Variants in ADAM28 observed in about 807,000 individuals in gnomAD.
ADAM28 encodes disintegrin and metalloproteinase domain-containing protein 28.
In ADAM28, 105 loss-of-function variants were observed where a neutral mutation model predicts 101.2. That is an observed-to-expected ratio of 1.04 (90% CI 0.89 to 1.22). The LOEUF is 1.22. ADAM28 is among the 50% of genes most tolerant of loss of function. The pLI, the probability that ADAM28 is intolerant of heterozygous loss-of-function variation, is 0.00. For missense variants in ADAM28, 1,028 were observed against 945.4 expected (o/e 1.09, Z -1.15); for synonymous variants, 322 against 310.6 (o/e 1.04, Z -0.39).
chr8:24,330,685 C>A (rs1378864335), intron 11 of ADAM28, among the ~76,000 whole-genome samples: 1 of 152,162 alleles, frequency 6.6e-6, no homozygotes, highest in African/African-American at 2.4e-5. Context: ...TCCAAAGCCC[C>A]TGTACAAAAC....
intron 14 of ADAM28, chr8:24,335,857 A>T (rs558608141): frequency 8.1e-7 from 1 of 1,240,066 alleles, no homozygotes; most frequent in African/African-American, 1.5e-5. Flanking sequence ...ACTTAAAATT[A>T]ACAAGTTTTT....
chr8:24,305,916 C>G (rs1187562035), intron 2 of ADAM28, among the ~76,000 whole-genome samples: 1 of 152,062 alleles, frequency 6.6e-6, no homozygotes, highest in Non-Finnish European at 1.5e-5. Context: ...AATTACCCCA[C>G]AATAACCATG....
rs986458993 is a variant in ADAM28 at position 24,348,312 on chromosome 8, C to T, written c.1991-1552C>T. Among the ~76,000 whole-genome samples the T allele has an allele frequency of 4.6e-5, 7 of 152,120 alleles. No individual in the cohort carries two copies. In the East Asian group the frequency reaches 9.6e-4, roughly 21 times the overall value. ...GAACAGACAGTTGACATATACCCAG[C>T]AACTCCCACTCCTGAACAGCTTCCC... On this transcript the variant is annotated intron_variant, in intron 18 of 22. Coordinates refer to ENST00000265769, the MANE Select transcript of ADAM28 (RefSeq NM_014265.6).
chr8:24,310,345 T>G (rs1330657935), intron 4 of ADAM28, 104 bp downstream of exon 4: 1 of 1,000,178 alleles, frequency 1.0e-6, no homozygotes, highest in African/African-American at 1.7e-5. Context: ...ATTTGTAACA[T>G]TAGTGCTTTT....
intron 2 of ADAM28, among the ~76,000 whole-genome samples, chr8:24,302,037 A>G (rs537241000): frequency 1.3e-5 from 2 of 152,248 alleles, no homozygotes; most frequent in Admixed American, 6.5e-5. Flanking sequence ...CTATCAACCC[A>G]TCACCTAGGT....
chr8:24,297,798 A>G (rs1427693244), intron 1 of ADAM28, among the ~76,000 whole-genome samples: 1 of 152,236 alleles, frequency 6.6e-6, no homozygotes, highest in Admixed American at 6.5e-5. Context: ...AATAATTACA[A>G]TAATTAGAAA....
chr8:24,301,490 T>A (rs966048207), intron 2 of ADAM28, among the ~76,000 whole-genome samples: 7 of 151,944 alleles, frequency 4.6e-5, no homozygotes, highest in African/African-American at 1.5e-4. Context: ...GAAAAAAAAA[T>A]AAGGATTTTT....
intron 5 of ADAM28, among the ~76,000 whole-genome samples, 185 bp downstream of exon 5, chr8:24,311,622 C>T (rs912545457): frequency 4.1e-4 from 63 of 152,046 alleles, no homozygotes; most frequent in Non-Finnish European, 5.6e-4. Flanking sequence ...ATTACATATC[C>T]GAATTGCTTT....
At position 24,358,319 on chromosome 8, in the gene ADAM28, A is replaced by G. The variant is rs991165732; in HGVS notation, c.*3915A>G. On this transcript the variant is annotated 3_prime_UTR_variant, in exon 23 of 23. Coordinates refer to ENST00000265769, the MANE Select transcript of ADAM28 (RefSeq NM_014265.6). ...CTTTAATATTGTTTCATCATATGTC[A>G]TTGTTCAAAGAATCCATCTCTTGAG... is the stretch of plus-strand genomic sequence containing the variant. The G allele has an allele frequency of 1.3e-5, 2 of 150,492 alleles. No homozygotes were observed. The highest frequency in any genetic ancestry group is 3.9e-4 in the East Asian group (2 of 5,178). The allele number at this position is 150,492 out of a possible 1,614,324, so 9.3% of individuals were successfully genotyped here.
chr8:24,351,992 T>G lies in ADAM28; in HGVS notation c.2184T>G (p.Ser728Arg), dbSNP rs1265529861. ...ATATTCGTTCTTCTTTTCAGATGAGTCAGATGAAGCCCCATGTGTATGATC... is the reference window on the plus strand; with the variant it reads ...ATATTCGTTCTTCTTTTCAGATGAGGCAGATGAAGCCCCATGTGTATGATC... ...MVKAVQPQEM[S>R]QMKPHVYDLP... The change falls in exon 21 of 23, where the codon AGT becomes AGG. Residue 728 changes from serine to arginine, a missense_variant. By Grantham distance (110) the Ser-to-Arg change is moderately radical. Transcript: ENST00000265769. 6 of 1,613,574 alleles carry G rather than the reference T, an allele frequency of 3.7e-6. No homozygotes were observed. The highest frequency in any genetic ancestry group is 1.7e-5 in the Admixed American group (1 of 59,982).
At chr8:24,306,708 C>CT (rs1213019561) in intron 2 of ADAM28, among the ~76,000 whole-genome samples, 11 of 152,120 alleles carry the variant, frequency 7.2e-5, no homozygotes, top group Admixed American at 7.2e-4. Flanking sequence ...AAAATATTCT[C>CT]TGTTTATCTG....
Position 24,358,784 on chromosome 8 carries a change from T to C in ADAM28, c.*4380T>C, listed in dbSNP as rs1816840108. 1.3e-5 allele frequency: 2 copies of C among 152,176 alleles called. No individual in the cohort carries two copies. Among genetic ancestry groups the C allele is most frequent in the Non-Finnish European group, 2.9e-5 (2 of 68,028 alleles). 9.4% of individuals were successfully genotyped at this position (152,176 alleles called of 1,614,324 possible). A position where few individuals can be genotyped will look rare whatever the true frequency, so the allele number is the denominator to read the frequency against. On this transcript the variant is annotated 3_prime_UTR_variant, in exon 23 of 23. Coordinates refer to ENST00000265769, the MANE Select transcript of ADAM28 (RefSeq NM_014265.6). ...TAAGCATGAAAATTACGGTATACAA[T>C]TTATTGTGAAGGCAACTTCTTGTGA...
At chr8:24,317,258 A>T (rs1811275047) in intron 6 of ADAM28, among the ~76,000 whole-genome samples, 1 of 152,078 alleles carries the variant, frequency 6.6e-6, no homozygotes, top group African/African-American at 2.4e-5. Flanking sequence ...GAGAAAAAAA[A>T]AGACATCATA....
At chr8:24,352,371 C>T (rs1198924959) in intron 21 of ADAM28, among the ~76,000 whole-genome samples, 4 of 152,158 alleles carry the variant, frequency 2.6e-5, no homozygotes, top group African/African-American at 9.7e-5. Context: ...TTCTCACATT[C>T]TGGAGACTGG....
chr8:24,304,842 G>A (rs1371400615), intron 2 of ADAM28, among the ~76,000 whole-genome samples: 1 of 151,498 alleles, frequency 6.6e-6, no homozygotes, highest in African/African-American at 2.4e-5. Flanking sequence ...TGGAACCTGG[G>A]AGGCAGAGGT....
At chr8:24,333,282 T>C (rs892292837) in intron 13 of ADAM28, among the ~76,000 whole-genome samples, 2 of 152,152 alleles carry the variant, frequency 1.3e-5, no homozygotes, top group African/African-American at 4.8e-5. Context: ...TGTGACCGTA[T>C]TGTATGTTAA....
At chr8:24,338,605 T>C (rs1158565644) in intron 14 of ADAM28, among the ~76,000 whole-genome samples, 2 of 152,210 alleles carry the variant, frequency 1.3e-5, no homozygotes, top group Non-Finnish European at 2.9e-5. Flanking sequence ...TCATTTTATC[T>C]TACACATTGA....
intron 21 of ADAM28, 73 bp downstream of exon 21, chr8:24,352,125 C>T: frequency 1.6e-6 from 2 of 1,264,008 alleles, no homozygotes; most frequent in Non-Finnish European, 2.3e-6. Flanking sequence ...TCATAGCCCA[C>T]AACACTTCAT....
At chr8:24,348,940 A>G (rs888893023) in intron 18 of ADAM28, among the ~76,000 whole-genome samples, 1 of 152,218 alleles carries the variant, frequency 6.6e-6, no homozygotes, top group Admixed American at 6.5e-5. Context: ...TATCTACACT[A>G]TAACAGAATG....
Sources: allele counts gnomAD v4.1 joint callset (sites outside exome capture counted in the v4.1 genomes callset), GRCh38; gene constraint gnomAD v4.1.1; transcripts MANE v1.5; gene names NCBI Gene and HGNC (gene_info 2026-07-23, HGNC 2026-07-21).